Variants in MYO9B observed in about 807,000 individuals in gnomAD.
MYO9B encodes the protein unconventional myosin-IXb.
Under a neutral mutation model 229.5 loss-of-function variants are expected in MYO9B, and 71 were observed. The observed-to-expected ratio is 0.31, with a 90% CI of 0.26 to 0.38. The LOEUF is 0.38. Among genes scored for constraint, MYO9B ranks in the 10% least tolerant of loss-of-function variants. The pLI is 1.00. For synonymous variants in MYO9B, 1,185 were observed against 1,235.8 expected (o/e 0.96, Z 0.86); for missense variants, 2,255 against 2,920.5 (o/e 0.77, Z 5.25).
chr19:17,193,875 C>G lies in MYO9B; in HGVS notation c.3129-681C>G, dbSNP rs2073012027. ...CCTAAGTGACAGAGCCAGACACTGT[C>G]TCTAAAAGCAAAACAGGCTGGGCAT... On this transcript the variant is annotated intron_variant, in intron 21 of 39. Coordinates refer to ENST00000682292, the MANE Select transcript of MYO9B (RefSeq NM_004145.4). This position sits in a 1 kb window ranked among gnomAD's most constrained non-coding sequence, Gnocchi z 4.3. Among the ~76,000 whole-genome samples, 1 of 152,028 alleles carries G rather than the reference C, an allele frequency of 6.6e-6. No homozygotes were observed. Among genetic ancestry groups the G allele is most frequent in the Admixed American group, 6.6e-5 (1 of 15,228 alleles).
chr19:17,164,718 C>G (rs1390452697), intron 10 of MYO9B, among the ~76,000 whole-genome samples: 1 of 152,106 alleles, frequency 6.6e-6, no homozygotes, highest in South Asian at 2.1e-4. Flanking sequence ...GTCAACCATC[C>G]TTATTCATGT....
At chr19:17,084,524 C>T (rs1215373660) in intron 1 of MYO9B, among the ~76,000 whole-genome samples, 3 of 151,870 alleles carry the variant, frequency 2.0e-5, no homozygotes, top group South Asian at 4.2e-4. Flanking sequence ...TTTCCAGCCT[C>T]AACCTTCTTC....
chr19:17,211,895 G>C lies in MYO9B; in HGVS notation c.6059G>C (p.Gly2020Ala). Residue 2020 changes from glycine to alanine, a missense_variant and splice_region_variant, in exon 40 of 40, where the codon GGG (glycine) becomes GCG (alanine). By Grantham distance (60) the Gly-to-Ala change is moderately conservative. Transcript: ENST00000682292. ...EERAGRGASE[G>A]PPAPALPCPG... ...AACCCTGCCATCTGTCTCTCAAAAGGGCCCCCTGCGCCTGCTCTCCCTTGC... is the reference window on the plus strand; with the variant it reads ...AACCCTGCCATCTGTCTCTCAAAAGCGCCCCCTGCGCCTGCTCTCCCTTGC... The C allele has an allele frequency of 6.3e-7, 1 of 1,582,318 alleles. No individual in the cohort carries two copies. Among genetic ancestry groups the C allele is most frequent in the Non-Finnish European group, 8.6e-7 (1 of 1,162,156 alleles).
rs2073093050 is a variant in MYO9B, at chr19:17,200,330, G to A, written c.4276G>A (p.Asp1426Asn). ...GAGGCTTTTTCTGCATAAAACCAAG[G>A]ATAAAAAATACAGCCTGGAGGGCGC... ...FKRLFLHKTK[D>N]KKYSLEGAEE... The change falls in exon 25 of 40, where the codon GAT becomes AAT. Residue 1426 changes from aspartate (D) to asparagine (N), a missense_variant. Asp to Asn is a conservative substitution (Grantham distance 23, BLOSUM62 1). Transcript: ENST00000682292. 1.9e-6 allele frequency: 3 copies of A among 1,613,370 alleles called. No individual in the cohort carries two copies. The highest frequency in any genetic ancestry group is 1.3e-5 in the African/African-American group (1 of 74,900).
Position 17,184,856 on chromosome 19 carries a change from CTG to C in MYO9B, c.2374-7_2374-6del. On this transcript the variant is annotated splice_region_variant and splice_polypyrimidine_tract_variant and intron_variant, in intron 16 of 39. Transcript: ENST00000682292. ...GGAGGGCAGGCCGGACCCCATGTGT[CTG>C]TCCTAGAACCTACTGGACTCCAAGT... 6.2e-7 allele frequency: 1 copy of C among 1,613,658 alleles called. No homozygotes were observed. Among genetic ancestry groups the C allele is most frequent in the South Asian group, 1.1e-5 (1 of 91,078 alleles).
chr19:17,160,032 G>C (rs1312447217), intron 8 of MYO9B, among the ~76,000 whole-genome samples: 2 of 152,100 alleles, frequency 1.3e-5, no homozygotes, highest in African/African-American at 4.8e-5. Flanking sequence ...ACCTTGATCA[G>C]GTGCCTCCCT....
chr19:17,187,514 C>G (rs1004200662), intron 18 of MYO9B, among the ~76,000 whole-genome samples: 1 of 152,104 alleles, frequency 6.6e-6, no homozygotes, highest in Non-Finnish European at 1.5e-5. Flanking sequence ...CCACAGAGAA[C>G]AAGCCCAGAA....
At chr19:17,084,733 GAAA>G (rs2057566648) in intron 1 of MYO9B, among the ~76,000 whole-genome samples, 1 of 149,558 alleles carries the variant, frequency 6.7e-6, no homozygotes, top group East Asian at 2.0e-4. Context: ...AAGAAAAAAA[GAAA>G]AACACACACA....
At chr19:17,185,079 A>G in intron 17 of MYO9B, 92 bp downstream of exon 17, 4 of 1,574,146 alleles carry the variant, frequency 2.5e-6, no homozygotes, top group Non-Finnish European at 3.5e-6. Context: ...CGTCTCTAGT[A>G]AAAATACAAA....
intron 2 of MYO9B, among the ~76,000 whole-genome samples, chr19:17,143,830 AG>A (rs1283009384): frequency 5.3e-5 from 8 of 152,210 alleles, no homozygotes; most frequent in African/African-American, 1.7e-4. Flanking sequence ...CTGAGGCAGG[AG>A]AATCGCTTGA....
At chr19:17,115,022 C>A (rs1328369170) in intron 2 of MYO9B, among the ~76,000 whole-genome samples, 1 of 150,974 alleles carries the variant, frequency 6.6e-6, no homozygotes, top group Non-Finnish European at 1.5e-5. Flanking sequence ...AGGGTCTAGC[C>A]CTGTCGCCCA....
intron 10 of MYO9B, among the ~76,000 whole-genome samples, chr19:17,166,024 C>T (rs886417058): frequency 4.6e-5 from 7 of 151,988 alleles, no homozygotes; most frequent in African/African-American, 1.5e-4. Context: ...GTTTGCCAAC[C>T]TCTAAATGAT....
chr19:17,168,132 C>G, intron 11 of MYO9B, 68 bp downstream of exon 11: 2 of 1,575,336 alleles, frequency 1.3e-6, no homozygotes, highest in Non-Finnish European at 1.7e-6. Flanking sequence ...TCTGCAGCCC[C>G]CAGAGCCTTA....
intron 2 of MYO9B, among the ~76,000 whole-genome samples, chr19:17,125,705 G>A (rs182372547): frequency 2.6e-5 from 4 of 152,240 alleles, no homozygotes; most frequent in East Asian, 1.9e-4. Context: ...TGGGACATAC[G>A]GCGTTGGGAG....
chr19:17,142,165 T>A (rs1191166976), intron 2 of MYO9B, among the ~76,000 whole-genome samples: 10 of 111,298 alleles, frequency 9.0e-5, no homozygotes, highest in South Asian at 5.5e-4. Flanking sequence ...ACCCTGCCTT[T>A]TAAAAAAAAA....
chr19:17,185,014 TG>T, intron 17 of MYO9B, 27 bp downstream of exon 17: 1 of 1,613,444 alleles, frequency 6.2e-7, no homozygotes, highest in Non-Finnish European at 8.5e-7. Flanking sequence ...AGGCAGAAGG[TG>T]GCGGTCAGCT....
At chr19:17,186,878 C>T (rs1480218291) in intron 18 of MYO9B, among the ~76,000 whole-genome samples, 1 of 151,960 alleles carries the variant, frequency 6.6e-6, no homozygotes, top group Non-Finnish European at 1.5e-5. Context: ...TTACAGGTGC[C>T]CACCACGCCA....
intron 2 of MYO9B, among the ~76,000 whole-genome samples, chr19:17,128,013 GCCTTGAA>G (rs1443263677): frequency 6.6e-6 from 1 of 152,082 alleles, no homozygotes; most frequent in Non-Finnish European, 1.5e-5. Flanking sequence ...CCCAGCAGTA[GCCTTGAA>G]CCTCCAACCC....
At chr19:17,084,987 T>C (rs1478571199) in intron 1 of MYO9B, among the ~76,000 whole-genome samples, 3 of 152,024 alleles carry the variant, frequency 2.0e-5, no homozygotes, top group South Asian at 2.1e-4. Flanking sequence ...AACAATGATA[T>C]AGAAGAACAC....
Sources: gnomAD v4.1 joint callset for allele counts (sites outside exome capture counted in the v4.1 genomes callset) on GRCh38, gnomAD v4.1.1 for gene constraint, Gnocchi (gnomAD v3.1) non-coding constraint, MANE v1.5 for transcripts, NCBI Gene and HGNC (gene_info 2026-07-23, HGNC 2026-07-21) for gene names.